The following DLC1 variants were observed in gnomAD, a reference collection of about 807,000 sequenced individuals.
The protein encoded by DLC1 is DLC1 Rho GTPase activating protein, also known as rho GTPase-activating protein 7.
In DLC1, 54 loss-of-function variants were observed where a neutral mutation model predicts 140.3. The ratio of observed to expected loss-of-function variants is 0.38; its 90% confidence interval spans 0.31 to 0.48. The LOEUF is 0.48. Among genes scored for constraint, DLC1 ranks in the 20% least tolerant of loss-of-function variants. The pLI is 0.96. For missense variants in DLC1, 2,536 were observed against 1,907.0 expected, an observed-to-expected ratio of 1.33 and a Z score of -6.14; for synonymous variants, 986 against 728.1, an observed-to-expected ratio of 1.35 and a Z score of -5.70.
At chr8:13,410,823 GT>G (rs1563324478) in intron 2 of DLC1, among the ~76,000 whole-genome samples, 5 of 152,162 alleles carry the variant, frequency 3.3e-5, no homozygotes, top group African/African-American at 1.2e-4. Flanking sequence ...GGTTTGTTTT[GT>G]TCACTGATGC....
chr8:13,567,004 C>A, intron 1 of DLC1: 2 of 1,548,206 alleles, frequency 1.3e-6, no homozygotes, highest in African/African-American at 1.4e-5. Context: ...GGCCATCTGC[C>A]CAGAATTGGC....
chr8:13,321,640 C>T (rs999197921), intron 4 of DLC1, among the ~76,000 whole-genome samples: 1 of 151,200 alleles, frequency 6.6e-6, no homozygotes, highest in African/African-American at 2.4e-5. Context: ...GTCCTCTTTC[C>T]AGTTAGCAGC....
intron 5 of DLC1, among the ~76,000 whole-genome samples, chr8:13,169,584 T>G (rs1312756851): frequency 6.6e-6 from 1 of 152,206 alleles, no homozygotes; most frequent in Non-Finnish European, 1.5e-5. Flanking sequence ...CCTTAGAACC[T>G]GCTCTGTGGT....
At position 13,100,127 on chromosome 8, in the gene DLC1, G is replaced by A; in HGVS notation, c.2210C>T (p.Ser737Phe). The A allele has an allele frequency of 6.2e-7, 1 of 1,614,074 alleles. No individual in the cohort carries two copies. Among genetic ancestry groups the A allele is most frequent in the South Asian group, 1.1e-5 (1 of 91,084 alleles). ...PMVRKRSVSN[S>F]TQTSSSSSQS... Reference sequence around the variant, plus strand: ...GCTGCTGCTGCTGCTGGTCTGCGTGGAGTTGGAAACGCTCCTCTTTCGTAC... The same window carrying A: ...GCTGCTGCTGCTGCTGGTCTGCGTGAAGTTGGAAACGCTCCTCTTTCGTAC... Residue 737 changes from serine (S) to phenylalanine (F), a missense_variant, in exon 9 of 18, where the codon TCC (serine) becomes TTC (phenylalanine). Transcript: ENST00000276297.
intron 15 of DLC1, among the ~76,000 whole-genome samples, chr8:13,089,397 G>T (rs1452076106): frequency 3.9e-5 from 6 of 151,916 alleles, no homozygotes; most frequent in African/African-American, 9.7e-5. Flanking sequence ...GGAGGCCAAG[G>T]TGGGCAGTCA....
At chr8:13,189,353 C>T (rs1390809363) in intron 5 of DLC1, among the ~76,000 whole-genome samples, 1 of 152,152 alleles carries the variant, frequency 6.6e-6, no homozygotes, top group African/African-American at 2.4e-5. Context: ...TGGCTCACAC[C>T]TGTAATCCCA....
chr8:13,093,215 G>A (rs1455972485), intron 12 of DLC1, among the ~76,000 whole-genome samples: 2 of 151,904 alleles, frequency 1.3e-5, no homozygotes, highest in Non-Finnish European at 2.9e-5. Context: ...GTTTAGTGTT[G>A]ATGAAAAATC....
intron 4 of DLC1, among the ~76,000 whole-genome samples, chr8:13,312,386 A>AAAAAAAAAAAAAAAATAAT (rs71207139): frequency 1.8e-4 from 15 of 81,680 alleles, no homozygotes; most frequent in Admixed American, 3.1e-4. Flanking sequence ...AAAAAAAAAA[A>AAAAAAAAAAAAAAAATAAT]AATAATTTCT....
intron 5 of DLC1, among the ~76,000 whole-genome samples, chr8:13,218,556 T>C (rs901238687): frequency 6.6e-6 from 1 of 151,646 alleles, no homozygotes; most frequent in African/African-American, 2.4e-5. Context: ...GAATTGCAAA[T>C]CAAAACTACA....
At chr8:13,530,357 TA>T (rs1803055287) in intron 1 of DLC1, among the ~76,000 whole-genome samples, 2 of 152,216 alleles carry the variant, frequency 1.3e-5, no homozygotes, top group Admixed American at 1.3e-4. Context: ...GCTGAGTTTT[TA>T]AAAATTCCTT....
At chr8:13,269,089 G>A (rs1183590090) in intron 5 of DLC1, among the ~76,000 whole-genome samples, 1 of 151,740 alleles carries the variant, frequency 6.6e-6, no homozygotes, top group African/African-American at 2.4e-5. Context: ...TAGCCAGAAT[G>A]GTCTCAATCT....
intron 5 of DLC1, among the ~76,000 whole-genome samples, chr8:13,153,935 C>T (rs1288215102): frequency 6.6e-6 from 1 of 152,248 alleles, no homozygotes. Context: ...GACAAGAGCA[C>T]TGATTGGTGT....
intron 1 of DLC1, among the ~76,000 whole-genome samples, chr8:13,548,953 G>A (rs996549495): frequency 2.0e-5 from 3 of 151,980 alleles, no homozygotes; most frequent in Admixed American, 6.6e-5. Flanking sequence ...TTCAGTGAAA[G>A]GATTCTTCTC....
intron 1 of DLC1, among the ~76,000 whole-genome samples, chr8:13,504,495 C>G (rs148579748): frequency 1.3e-5 from 2 of 152,252 alleles, no homozygotes; most frequent in Admixed American, 1.3e-4. Flanking sequence ...ACAAATGATT[C>G]AAGTCTTCCG....
At chr8:13,166,314 C>T (rs559200630) in intron 5 of DLC1, among the ~76,000 whole-genome samples, 10 of 152,084 alleles carry the variant, frequency 6.6e-5, no homozygotes, top group African/African-American at 1.2e-4. Flanking sequence ...CTAATCACTT[C>T]GTGTTTGATT....
intron 5 of DLC1, among the ~76,000 whole-genome samples, chr8:13,238,529 A>G (rs1829396802): frequency 7.3e-6 from 1 of 137,262 alleles, no homozygotes; most frequent in African/African-American, 3.1e-5. Flanking sequence ...AGAAAGAAAG[A>G]AAAAAAAAAG....
In DLC1 at chr8:13,479,330, G is replaced by C. The variant is rs570969480; in HGVS notation, c.1023+19719C>G. 1.1e-4 allele frequency among the ~76,000 whole-genome samples: 17 copies of C among 152,242 alleles called. 1 individual carries two copies. Among genetic ancestry groups the C allele is most frequent in the African/African-American group, 4.1e-4 (17 of 41,544 alleles). On this transcript the variant is annotated intron_variant, in intron 2 of 17. Coordinates refer to ENST00000276297, the MANE Select transcript of DLC1 (RefSeq NM_182643.3). The stretch of plus-strand genomic sequence containing the variant: ...GACCAAGCTGCTGATCTGGTCCAGT[G>C]AGTCAAGAAGATCTCACAATAAGCA...
intron 5 of DLC1, among the ~76,000 whole-genome samples, chr8:13,291,732 C>T (rs549796432): frequency 1.3e-5 from 2 of 152,158 alleles, no homozygotes; most frequent in Non-Finnish European, 2.9e-5. Flanking sequence ...ATGTAGTATT[C>T]TCTTTCCCTA....
chr8:13,453,410 A>ATATATGTG (rs1799175729), intron 2 of DLC1, among the ~76,000 whole-genome samples: 4 of 53,372 alleles, frequency 7.5e-5, no homozygotes, highest in Non-Finnish European at 1.2e-4. Flanking sequence ...ATGTGTATAT[A>ATATATGTG]TATATATATA....
Sources: allele counts gnomAD v4.1 joint callset (sites outside exome capture counted in the v4.1 genomes callset), GRCh38; gene constraint gnomAD v4.1.1; transcripts MANE v1.5; gene names NCBI Gene and HGNC (gene_info 2026-07-23, HGNC 2026-07-21).